The following CACNA2D1 variants were observed in gnomAD, a reference collection of about 807,000 sequenced individuals.
The protein encoded by CACNA2D1 is calcium voltage-gated channel auxiliary subunit alpha2delta 1.
Under a neutral mutation model 171.5 loss-of-function variants are expected in CACNA2D1, and 53 were observed. The observed-to-expected ratio is 0.31, with a 90% confidence interval of 0.25 to 0.39. The LOEUF is 0.39. CACNA2D1 is among the 10% of genes least tolerant of loss of function. The pLI is 1.00. For synonymous variants in CACNA2D1, 442 were observed against 443.1 expected (o/e 1.00, Z 0.03); for missense variants, 903 against 1,299.8 (o/e 0.69, Z 4.69).
chr7:82,236,632 T>C (rs1803620349), intron 3 of CACNA2D1, among the ~76,000 whole-genome samples: 1 of 152,112 alleles, frequency 6.6e-6, no homozygotes, highest in Admixed American at 6.6e-5. Flanking sequence ...TTTTCTTCAC[T>C]GATTAATATT....
chr7:82,048,525 A>G (rs989512741), intron 10 of CACNA2D1, among the ~76,000 whole-genome samples: 2 of 152,170 alleles, frequency 1.3e-5, no homozygotes, highest in East Asian at 3.8e-4. Context: ...TTTTCAAGCT[A>G]TAATATATAC....
chr7:81,988,648 C>T (rs1797221039), intron 21 of CACNA2D1, among the ~76,000 whole-genome samples: 1 of 152,088 alleles, frequency 6.6e-6, no homozygotes, highest in Non-Finnish European at 1.5e-5. Flanking sequence ...TTAAATATTG[C>T]AATGGAAGTT....
intron 15 of CACNA2D1, among the ~76,000 whole-genome samples, chr7:82,008,083 T>G (rs1293129452): frequency 6.6e-6 from 1 of 152,122 alleles, no homozygotes; most frequent in African/African-American, 2.4e-5. Flanking sequence ...CCCTTTTTCA[T>G]AGTGATAGTT....
In CACNA2D1 at chr7:82,429,023, C is replaced by T. The variant is rs186669305; in HGVS notation, c.95+14342G>A. Among the ~76,000 whole-genome samples, 461 of 152,266 alleles carry T rather than the reference C, an allele frequency of 3.0e-3. 2 individuals are homozygous for T. Among genetic ancestry groups the T allele is most frequent in the Non-Finnish European group, 5.4e-3 (368 of 68,008 alleles). ...AAAGAGTAGGATCACAGGATTCCGA[C>T]TGGACAAAAAAGTAAAATAATCAGC... On this transcript the variant is annotated intron_variant, in intron 1 of 38. Transcript: ENST00000356860.
intron 4 of CACNA2D1, among the ~76,000 whole-genome samples, chr7:82,145,218 TTA>T (rs199796202): frequency 2.0e-5 from 3 of 146,384 alleles, no homozygotes; most frequent in South Asian, 2.1e-4. Flanking sequence ...ACAGTGAATT[TTA>T]TATATATATA....
rs926560959 is a variant in CACNA2D1, at chr7:82,092,980, T to C, written c.527-8080A>G. Reference sequence around the variant, plus strand: ...GCAATTAAGACCAAATTTAAAGGACTCCAAATTAAAGTGTGTGGTTTTTTT... The same window carrying C: ...GCAATTAAGACCAAATTTAAAGGACCCCAAATTAAAGTGTGTGGTTTTTTT... On this transcript the variant is annotated intron_variant, in intron 6 of 38. Transcript: ENST00000356860. Among the ~76,000 whole-genome samples the C allele has an allele frequency of 2.5e-4, 38 of 151,754 alleles. 1 individual carries two copies. The highest frequency in any genetic ancestry group is 9.0e-4 in the African/African-American group (37 of 41,124).
At chr7:81,952,886 G>A (rs183967231) in intron 38 of CACNA2D1, among the ~76,000 whole-genome samples, 212 of 152,068 alleles carry the variant, frequency 1.4e-3, no homozygotes, top group Middle Eastern at 3.4e-3. Flanking sequence ...GTCTCATAGG[G>A]ATTTCAAACT....
intron 1 of CACNA2D1, among the ~76,000 whole-genome samples, chr7:82,355,645 T>C (rs1431811772): frequency 3.9e-5 from 6 of 152,128 alleles, no homozygotes; most frequent in Non-Finnish European, 4.4e-5. Context: ...TTGAGACCCG[T>C]GCTCCTATGG....
chr7:82,304,512 T>C (rs184444049), intron 3 of CACNA2D1, among the ~76,000 whole-genome samples: 240 of 152,202 alleles, frequency 1.6e-3, no homozygotes, highest in Non-Finnish European at 1.5e-3. Context: ...AATGGAATAC[T>C]ATTGGGCCAC....
At chr7:82,164,862 C>T (rs1015172868) in intron 4 of CACNA2D1, among the ~76,000 whole-genome samples, 2 of 151,598 alleles carry the variant, frequency 1.3e-5, no homozygotes, top group Non-Finnish European at 2.9e-5. Context: ...CAGTACACTC[C>T]CATTTTAATG....
intron 18 of CACNA2D1, among the ~76,000 whole-genome samples, chr7:81,999,619 A>G (rs1323752524): frequency 6.6e-6 from 1 of 152,220 alleles, no homozygotes; most frequent in Non-Finnish European, 1.5e-5. Flanking sequence ...GAAAACAAAA[A>G]TAAAACAGAC....
intron 1 of CACNA2D1, among the ~76,000 whole-genome samples, chr7:82,371,461 G>A (rs905068758): frequency 6.6e-6 from 1 of 152,174 alleles, no homozygotes. Context: ...TGTATGGTAC[G>A]TAATAAATAT....
chr7:81,998,406 A>C (rs1348135560), intron 18 of CACNA2D1, among the ~76,000 whole-genome samples: 1 of 152,018 alleles, frequency 6.6e-6, no homozygotes, highest in Non-Finnish European at 1.5e-5. Context: ...CACCATTTTA[A>C]GCACTGTTTT....
In CACNA2D1 at chr7:82,421,788, T is replaced by C. The variant is rs184739688; in HGVS notation, c.95+21577A>G. Among the ~76,000 whole-genome samples, 777 of 152,266 alleles carry C rather than the reference T, an allele frequency of 5.1e-3. 6 individuals carry two copies. The highest frequency in any genetic ancestry group is 0.018 in the African/African-American group (752 of 41,548). On this transcript the variant is annotated intron_variant, in intron 1 of 38. Coordinates refer to ENST00000356860, the MANE Select transcript of CACNA2D1 (RefSeq NM_000722.4). ...TTCACCATCTCATTGCAAATGAGGA[T>C]GGTCAGGGAAGATAAAGAGAAACAC...
intron 1 of CACNA2D1, among the ~76,000 whole-genome samples, chr7:82,404,577 T>C (rs2129452585): frequency 6.6e-6 from 1 of 152,092 alleles, no homozygotes; most frequent in Admixed American, 6.5e-5. Flanking sequence ...TTTAGTTACA[T>C]TTCTTGCACA....
chr7:82,066,411 T>A, intron 8 of CACNA2D1, 44 bp downstream of exon 8: 1 of 1,607,142 alleles, frequency 6.2e-7, no homozygotes, highest in Non-Finnish European at 8.5e-7. Context: ...AATATATATC[T>A]TCTTGCCTAT....
intron 2 of CACNA2D1, among the ~76,000 whole-genome samples, chr7:82,347,904 T>A (rs1297883371): frequency 6.6e-6 from 1 of 152,132 alleles, no homozygotes; most frequent in Non-Finnish European, 1.5e-5. Context: ...TAAAGCATAA[T>A]AGAAACCAGG....
chr7:82,108,141 T>G (rs1010790008), intron 6 of CACNA2D1, among the ~76,000 whole-genome samples: 1 of 152,184 alleles, frequency 6.6e-6, no homozygotes, highest in Admixed American at 6.5e-5. Flanking sequence ...AATATACAGC[T>G]ATCTGAAAAA....
At chr7:82,414,979 G>C (rs1280346134) in intron 1 of CACNA2D1, among the ~76,000 whole-genome samples, 2 of 152,138 alleles carry the variant, frequency 1.3e-5, no homozygotes, top group Admixed American at 1.3e-4. Context: ...ACCTTATTTA[G>C]GGGAAGAAGA....
Sources: allele counts gnomAD v4.1 joint callset (sites outside exome capture counted in the v4.1 genomes callset), GRCh38; gene constraint gnomAD v4.1.1; transcripts MANE v1.5; gene names NCBI Gene and HGNC (gene_info 2026-07-23, HGNC 2026-07-21).